Variants in TMEM132D observed in about 807,000 individuals in gnomAD.
TMEM132D encodes transmembrane protein 132D.
A neutral mutation model predicts 62.3 loss-of-function variants in TMEM132D; 21 were observed. That is an observed-to-expected ratio of 0.34 (90% CI 0.24 to 0.49). The LOEUF (loss-of-function observed/expected upper bound fraction) is 0.49, where lower values mean the gene tolerates loss of function less well. Among genes scored for constraint, TMEM132D ranks in the 20% least tolerant of loss-of-function variants. The pLI is 0.99. For missense variants in TMEM132D, 1,346 were observed against 1,402.8 expected (o/e 0.96, Z 0.65); for synonymous variants, 621 against 575.6 (o/e 1.08, Z -1.13).
At chr12:129,093,029 GT>G (rs1874982145) in intron 5 of TMEM132D, among the ~76,000 whole-genome samples, 1 of 152,216 alleles carries the variant, frequency 6.6e-6, no homozygotes, top group Non-Finnish European at 1.5e-5. Flanking sequence ...AGATAAGCAA[GT>G]TTTAAATGGA....
At chr12:129,866,520 T>C (rs546642745) in intron 1 of TMEM132D, among the ~76,000 whole-genome samples, 27 of 151,692 alleles carry the variant, frequency 1.8e-4, no homozygotes, top group East Asian at 1.6e-3. Flanking sequence ...TGCAGCACAC[T>C]AACATGGCAC....
intron 5 of TMEM132D, among the ~76,000 whole-genome samples, chr12:129,184,792 A>C (rs1878175987): frequency 6.6e-6 from 1 of 151,306 alleles, no homozygotes; most frequent in African/African-American, 2.4e-5. Context: ...TTTCTTAGAC[A>C]ATCACCTTTG....
At chr12:129,204,066 C>G (rs1225150905) in intron 5 of TMEM132D, among the ~76,000 whole-genome samples, 2 of 152,160 alleles carry the variant, frequency 1.3e-5, no homozygotes, top group Non-Finnish European at 2.9e-5. Context: ...GAAGAAATAT[C>G]AGCCCACACA....
At chr12:129,379,530 C>T (rs932188720) in intron 3 of TMEM132D, among the ~76,000 whole-genome samples, 6 of 152,228 alleles carry the variant, frequency 3.9e-5, no homozygotes, top group Admixed American at 2.6e-4. Flanking sequence ...ATATCCTGGC[C>T]TGTCCTACCC....
chr12:129,291,606 A>G (rs1213817340), intron 4 of TMEM132D, among the ~76,000 whole-genome samples: 1 of 152,230 alleles, frequency 6.6e-6, no homozygotes, highest in African/African-American at 2.4e-5. Context: ...AATTTGGAAC[A>G]CAGGCTATGA....
rs905063356 is a variant in TMEM132D, at chr12:129,697,002, C to T, written c.968+2808G>A. Among the ~76,000 whole-genome samples the T allele has an allele frequency of 7.9e-5, 12 of 152,172 alleles. No homozygotes were observed. The East Asian group carries it at 1.9e-3, about 24-fold the overall frequency. On this transcript the variant is annotated intron_variant, in intron 2 of 8. Transcript: ENST00000422113. ...AGTGAAACACACATGCATATATACA[C>T]GCATACAAATACACACACAGAAAGA...
At chr12:129,523,816 C>G (rs1393689074) in intron 3 of TMEM132D, among the ~76,000 whole-genome samples, 1 of 152,150 alleles carries the variant, frequency 6.6e-6, no homozygotes, top group African/African-American at 2.4e-5. Flanking sequence ...GTTCATCATT[C>G]CCCTTGACTG....
chr12:129,616,938 T>C (rs1014821014), intron 2 of TMEM132D, among the ~76,000 whole-genome samples: 8 of 152,346 alleles, frequency 5.3e-5, no homozygotes, highest in African/African-American at 1.9e-4. Flanking sequence ...CTGGATTTTG[T>C]CGCTGTTGTA....
intron 2 of TMEM132D, among the ~76,000 whole-genome samples, chr12:129,680,302 T>G (rs1226905228): frequency 6.6e-6 from 1 of 152,196 alleles, no homozygotes; most frequent in Non-Finnish European, 1.5e-5. Flanking sequence ...GATCTCTTTT[T>G]TTATTATCAA....
chr12:129,266,072 G>A (rs1351465409), intron 4 of TMEM132D, among the ~76,000 whole-genome samples: 12 of 151,910 alleles, frequency 7.9e-5, no homozygotes, highest in Non-Finnish European at 1.5e-5. Context: ...TTTTGTCTTG[G>A]CTCCTCTATG....
intron 4 of TMEM132D, among the ~76,000 whole-genome samples, chr12:129,297,776 G>A (rs568638080): frequency 5.8e-4 from 89 of 152,266 alleles, no homozygotes; most frequent in Non-Finnish European, 1.0e-3. Context: ...CTTTAACAAA[G>A]GTTGATTTCC....
In TMEM132D at chr12:129,359,024, C is replaced by T. The variant is rs183097758; in HGVS notation, c.1116-21207G>A. On this transcript the variant is annotated intron_variant, in intron 3 of 8. Coordinates refer to ENST00000422113, the MANE Select transcript of TMEM132D (RefSeq NM_133448.3). ...TCATAGTAGCCAAAGGTGAAAACAACCTCTCTATTGACAGATGAATGGATA... is the reference window on the plus strand; with the variant it reads ...TCATAGTAGCCAAAGGTGAAAACAATCTCTCTATTGACAGATGAATGGATA... 5.1e-3 allele frequency among the ~76,000 whole-genome samples: 774 copies of T among 151,984 alleles called. 7 individuals carry two copies. Among genetic ancestry groups the T allele is most frequent in the African/African-American group, 0.018 (741 of 41,428 alleles).
At chr12:129,288,603 C>A (rs1321411847) in intron 4 of TMEM132D, among the ~76,000 whole-genome samples, 2 of 152,138 alleles carry the variant, frequency 1.3e-5, no homozygotes, top group Non-Finnish European at 2.9e-5. Flanking sequence ...ACAAAGACAG[C>A]AAGCGTTGAC....
At chr12:129,223,786 T>G (rs912094915) in intron 4 of TMEM132D, among the ~76,000 whole-genome samples, 7 of 152,264 alleles carry the variant, frequency 4.6e-5, no homozygotes, top group African/African-American at 1.7e-4. Context: ...GTCTACATTG[T>G]GTTCTGAAAC....
intron 3 of TMEM132D, among the ~76,000 whole-genome samples, chr12:129,523,245 G>A (rs777023475): frequency 2.0e-5 from 3 of 152,182 alleles, no homozygotes; most frequent in Non-Finnish European, 4.4e-5. Flanking sequence ...CACTGCAGGT[G>A]TTTTTGGTAG....
intron 4 of TMEM132D, among the ~76,000 whole-genome samples, chr12:129,241,925 A>C (rs1235149709): frequency 2.6e-5 from 4 of 152,194 alleles, no homozygotes; most frequent in Non-Finnish European, 5.9e-5. Context: ...GGGAGACAAA[A>C]TGTATTTAAA....
At chr12:129,756,092 G>A (rs557502778) in intron 1 of TMEM132D, among the ~76,000 whole-genome samples, 18 of 152,250 alleles carry the variant, frequency 1.2e-4, no homozygotes, top group East Asian at 1.2e-3. Flanking sequence ...TCAGGGAGGC[G>A]AAGAGTAGAA....
intron 3 of TMEM132D, among the ~76,000 whole-genome samples, chr12:129,526,055 T>A (rs1353319869): frequency 1.3e-5 from 2 of 152,220 alleles, no homozygotes; most frequent in African/African-American, 4.8e-5. Context: ...AACAAGCATT[T>A]CTTTAAGTTT....
At position 129,674,251 on chromosome 12, in the gene TMEM132D, T is replaced by C. The variant is rs565738631; in HGVS notation, c.968+25559A>G. 4.6e-5 allele frequency among the ~76,000 whole-genome samples: 7 copies of C among 152,356 alleles called. No individual in the cohort carries two copies. The East Asian group carries it at 1.2e-3, about 25-fold the overall frequency. On this transcript the variant is annotated intron_variant, in intron 2 of 8. Transcript: ENST00000422113. Reference sequence around the variant, plus strand: ...CATTTTCTGAGCAGCACACTCAGCCTGCATAGATCTGAATCGAAGCAGTCT... The same window carrying C: ...CATTTTCTGAGCAGCACACTCAGCCCGCATAGATCTGAATCGAAGCAGTCT...
Sources: allele counts gnomAD v4.1 joint callset (sites outside exome capture counted in the v4.1 genomes callset), GRCh38; gene constraint gnomAD v4.1.1; transcripts MANE v1.5; gene names NCBI Gene and HGNC (gene_info 2026-07-23, HGNC 2026-07-21).